MGAT4C: variants seen among roughly 807,000 people sequenced by gnomAD.
The protein encoded by MGAT4C is alpha-1,3-mannosyl-glycoprotein 4-beta-N-acetylglucosaminyltransferase C.
A neutral mutation model predicts 40.1 loss-of-function variants in MGAT4C; 19 were observed. The observed-to-expected ratio is 0.47, with a 90% confidence interval of 0.33 to 0.70. MGAT4C has a LOEUF of 0.70. Ranked by LOEUF, MGAT4C falls within the 30% of genes least tolerant of loss-of-function variation. The probability of loss-of-function intolerance (pLI) is 0.02; values close to 1 mark genes in which losing one functional copy is unlikely to be tolerated. For synonymous variants in MGAT4C, 181 were observed against 187.1 expected (o/e 0.97, Z 0.27); for missense variants, 491 against 563.2 (o/e 0.87, Z 1.30).
intron 1 of MGAT4C, among the ~76,000 whole-genome samples, chr12:86,137,939 A>T (rs1235833084): frequency 6.6e-6 from 1 of 152,058 alleles, no homozygotes; most frequent in Admixed American, 6.6e-5. Flanking sequence ...GGAGCATTTT[A>T]CCCTTCAGGT....
At chr12:86,679,453 G>C (rs1347680666) in intron 2 of MGAT4C, among the ~76,000 whole-genome samples, 1 of 152,076 alleles carries the variant, frequency 6.6e-6, no homozygotes, top group Non-Finnish European at 1.5e-5. Flanking sequence ...ATGAGCTACA[G>C]TGTACTATTT....
At position 86,328,397 on chromosome 12, in the gene MGAT4C, C is replaced by T. The variant is rs545758546; in HGVS notation, c.-57+5668G>A. ...TGGAAGTCTTGATTATCAGATAACACTAGTATGTCTATAGAAAAGTCTATG... is the reference window on the plus strand; with the variant it reads ...TGGAAGTCTTGATTATCAGATAACATTAGTATGTCTATAGAAAAGTCTATG... On this transcript the variant is annotated intron_variant, in intron 4 of 7. Transcript: ENST00000548651. Among the ~76,000 whole-genome samples, 9 of 152,132 alleles carry T rather than the reference C, an allele frequency of 5.9e-5. No individual in the cohort carries two copies. In the South Asian group the frequency reaches 1.9e-3, roughly 32 times the overall value.
intron 1 of MGAT4C, among the ~76,000 whole-genome samples, chr12:86,228,955 G>T (rs1295868345): frequency 6.6e-6 from 1 of 151,798 alleles, no homozygotes; most frequent in Non-Finnish European, 1.5e-5. Context: ...TGAACTTGTG[G>T]CTTCTTATGT....
chr12:86,424,903 C>T (rs542301422), intron 3 of MGAT4C, among the ~76,000 whole-genome samples: 1 of 152,116 alleles, frequency 6.6e-6, no homozygotes, highest in African/African-American at 2.4e-5. Context: ...ACTACAGGTG[C>T]GTGCTCCAAT....
intron 2 of MGAT4C, among the ~76,000 whole-genome samples, chr12:86,510,829 A>G (rs545389123): frequency 2.8e-4 from 42 of 152,294 alleles, no homozygotes; most frequent in Non-Finnish European, 5.9e-5. Context: ...AGGAGCACCC[A>G]GATTCATAAA....
intron 2 of MGAT4C, among the ~76,000 whole-genome samples, chr12:86,697,890 T>C (rs1384596965): frequency 6.6e-6 from 1 of 152,128 alleles, no homozygotes; most frequent in African/African-American, 2.4e-5. Flanking sequence ...CTTTTCAGAA[T>C]TATCTTTCTC....
chr12:86,330,578 A>G (rs1166400839), intron 4 of MGAT4C, among the ~76,000 whole-genome samples: 1 of 152,176 alleles, frequency 6.6e-6, no homozygotes, highest in African/African-American at 2.4e-5. Flanking sequence ...CTATTTATTT[A>G]CAAAGTCTAT....
intron 3 of MGAT4C, among the ~76,000 whole-genome samples, chr12:86,344,657 A>G (rs575718258): frequency 5.3e-5 from 8 of 151,992 alleles, no homozygotes; most frequent in African/African-American, 1.9e-4. Flanking sequence ...AGACTTATTT[A>G]AGAAAAATGT....
intron 1 of MGAT4C, among the ~76,000 whole-genome samples, chr12:86,774,281 C>CTCTTTCTTCCTTTCTTTCTTTCTTTCTT (rs1951692926): frequency 3.4e-5 from 2 of 58,960 alleles, no homozygotes; most frequent in African/African-American, 1.3e-4. Context: ...CTAAGGCTTG[C>CTCTTTCTTCCTTTCTTTCTTTCTTTCTT]TCTTTCTTTC....
intron 1 of MGAT4C, among the ~76,000 whole-genome samples, chr12:86,834,499 A>C (rs2136239441): frequency 6.6e-6 from 1 of 151,828 alleles, no homozygotes; most frequent in South Asian, 2.1e-4. Flanking sequence ...AATAACCATT[A>C]ATATTTTTTA....
intron 2 of MGAT4C, among the ~76,000 whole-genome samples, chr12:86,474,768 C>T (rs896719035): frequency 2.6e-5 from 4 of 151,884 alleles, no homozygotes; most frequent in East Asian, 3.9e-4. Flanking sequence ...AGATTAATGG[C>T]GAATTCAATG....
intron 1 of MGAT4C, among the ~76,000 whole-genome samples, chr12:86,765,299 G>A (rs554908712): frequency 6.6e-6 from 1 of 152,132 alleles, no homozygotes; most frequent in Admixed American, 6.5e-5. Flanking sequence ...AATGAAGCAA[G>A]AAGGGAAGTG....
intron 3 of MGAT4C, among the ~76,000 whole-genome samples, chr12:85,985,913 T>C (rs1328159460): frequency 1.3e-5 from 2 of 152,208 alleles, no homozygotes; most frequent in East Asian, 3.8e-4. Flanking sequence ...CAGCACTAAA[T>C]TCATTTTACC....
At chr12:86,460,096 G>C (rs10776976) in intron 2 of MGAT4C, among the ~76,000 whole-genome samples, 99,290 of 151,862 alleles carry the variant, frequency 0.65, 33,225 homozygotes, top group South Asian at 0.79. Flanking sequence ...GCCCACCCAC[G>C]CAGACACTTA....
At chr12:86,507,526 T>C (rs1468001734) in intron 2 of MGAT4C, among the ~76,000 whole-genome samples, 1 of 152,200 alleles carries the variant, frequency 6.6e-6, no homozygotes, top group Non-Finnish European at 1.5e-5. Flanking sequence ...TCATTAACCC[T>C]GTGAAGAATA....
chr12:86,680,441 A>G (rs1048633828), intron 2 of MGAT4C, among the ~76,000 whole-genome samples: 1 of 151,918 alleles, frequency 6.6e-6, no homozygotes, highest in East Asian at 1.9e-4. Flanking sequence ...ACATGTATTG[A>G]ATTGTTAGAG....
intron 4 of MGAT4C, among the ~76,000 whole-genome samples, chr12:86,291,628 T>C (rs1426370144): frequency 1.3e-5 from 2 of 152,190 alleles, no homozygotes; most frequent in Non-Finnish European, 2.9e-5. Flanking sequence ...GTATCTGTCA[T>C]TATGTATATA....
intron 1 of MGAT4C, among the ~76,000 whole-genome samples, chr12:86,213,341 T>C (rs1396407057): frequency 1.3e-5 from 2 of 152,178 alleles, no homozygotes; most frequent in Non-Finnish European, 2.9e-5. Flanking sequence ...CCACCCCTAC[T>C]GAGAATCACT....
chr12:86,622,229 C>T (rs891238662), intron 2 of MGAT4C, among the ~76,000 whole-genome samples: 1 of 151,988 alleles, frequency 6.6e-6, no homozygotes, highest in Non-Finnish European at 1.5e-5. Flanking sequence ...AAGGCGAAGA[C>T]ATGGACTAAG....
Sources: allele counts gnomAD v4.1 joint callset (sites outside exome capture counted in the v4.1 genomes callset), GRCh38; gene constraint gnomAD v4.1.1; transcripts MANE v1.5; gene names NCBI Gene and HGNC (gene_info 2026-07-23, HGNC 2026-07-21).